The following GRIN2A variants were observed in gnomAD, a reference collection of about 807,000 sequenced individuals.
GRIN2A encodes the protein glutamate ionotropic receptor NMDA type subunit 2A, also known as glutamate receptor ionotropic, NMDA 2A.
GRIN2A carries 22 observed loss-of-function variants against 113.4 expected under a neutral mutation model. The observed-to-expected ratio is 0.19, with a 90% confidence interval of 0.14 to 0.28. The LOEUF is 0.28. Among genes scored for constraint, GRIN2A ranks in the 10% least tolerant of loss-of-function variants. The pLI, the probability that GRIN2A is intolerant of heterozygous loss-of-function variation, is 1.00. For missense variants in GRIN2A, 1,502 were observed against 1,887.0 expected, an observed-to-expected ratio of 0.80 and a Z score of 3.78; for synonymous variants, 827 against 738.4, an observed-to-expected ratio of 1.12 and a Z score of -1.94.
chr16:9,915,543 G>A (rs1321028939), intron 3 of GRIN2A, among the ~76,000 whole-genome samples: 1 of 152,144 alleles, frequency 6.6e-6, no homozygotes, highest in African/African-American at 2.4e-5. Context: ...CAGTGTAATG[G>A]AATCCTGCTC....
rs572477102 is a variant in GRIN2A at position 9,811,575 on chromosome 16, C to A, written c.2168+10689G>T. 1.1e-4 allele frequency among the ~76,000 whole-genome samples: 16 copies of A among 152,198 alleles called. No homozygotes were observed. In the South Asian group the frequency reaches 3.3e-3, roughly 32 times the overall value. ...GGAGTTTGAGACCAGCCTGGTACAA[C>A]GTGGCAAAACCCTGTCTCTACTAAA... On this transcript the variant is annotated intron_variant, in intron 10 of 12. Transcript: ENST00000330684.
intron 2 of GRIN2A, among the ~76,000 whole-genome samples, chr16:10,074,357 C>T (rs911489893): frequency 7.2e-5 from 11 of 152,190 alleles, no homozygotes; most frequent in African/African-American, 2.4e-4. Context: ...CTATATGATC[C>T]AGCAATTCCA....
chr16:10,074,712 G>C (rs551959607), intron 2 of GRIN2A, among the ~76,000 whole-genome samples: 32 of 152,250 alleles, frequency 2.1e-4, no homozygotes, highest in African/African-American at 7.2e-4. Context: ...TAGATCCATG[G>C]TTTCTAGGGC....
chr16:9,765,039 T>C (rs1900830917), intron 12 of GRIN2A, 91 bp from the exon 13 acceptor site: 11 of 1,530,110 alleles, frequency 7.2e-6, no homozygotes. Flanking sequence ...AAGGTGAGAT[T>C]TGCACTTCTT....
chr16:10,116,672 G>A (rs1253901397), intron 2 of GRIN2A, among the ~76,000 whole-genome samples: 1 of 152,106 alleles, frequency 6.6e-6, no homozygotes, highest in Non-Finnish European at 1.5e-5. Flanking sequence ...CCAGCAGCAG[G>A]GAAATTCATG....
At chr16:10,152,270 C>T (rs983196511) in intron 2 of GRIN2A, among the ~76,000 whole-genome samples, 2 of 152,054 alleles carry the variant, frequency 1.3e-5, no homozygotes, top group African/African-American at 2.4e-5. Flanking sequence ...AATACAAACA[C>T]CCCATGCTCC....
intron 2 of GRIN2A, among the ~76,000 whole-genome samples, chr16:10,099,287 A>T (rs1289855137): frequency 6.6e-6 from 1 of 152,176 alleles, no homozygotes; most frequent in Non-Finnish European, 1.5e-5. Context: ...TTTTCATTCC[A>T]GAAGAAACTC....
chr16:10,112,898 G>A, intron 2 of GRIN2A: 4 of 462,134 alleles, frequency 8.7e-6, no homozygotes, highest in South Asian at 7.3e-5. Context: ...AGCAGTGGAG[G>A]ATGAGGTGGT....
At chr16:9,806,938 C>T (rs908449677) in intron 10 of GRIN2A, among the ~76,000 whole-genome samples, 2 of 151,564 alleles carry the variant, frequency 1.3e-5, no homozygotes, top group African/African-American at 4.9e-5. Flanking sequence ...AATCATGGGG[C>T]CAGTTTCCCC....
At chr16:10,109,159 G>A (rs891114900) in intron 2 of GRIN2A, among the ~76,000 whole-genome samples, 1 of 151,688 alleles carries the variant, frequency 6.6e-6, no homozygotes, top group Non-Finnish European at 1.5e-5. Flanking sequence ...CTATAAATTT[G>A]ACAACCTAGA....
chr16:9,851,115 A>G (rs1287218073), intron 4 of GRIN2A, among the ~76,000 whole-genome samples: 2 of 152,172 alleles, frequency 1.3e-5, no homozygotes, highest in African/African-American at 4.8e-5. Context: ...TCAAACCCTT[A>G]AAGAGAATTC....
chr16:10,153,019 CATT>C (rs2049616100), intron 2 of GRIN2A, among the ~76,000 whole-genome samples: 1 of 152,052 alleles, frequency 6.6e-6, no homozygotes, highest in Admixed American at 6.5e-5. Flanking sequence ...GGATACAAGT[CATT>C]ATGCATTTGT....
chr16:9,969,771 C>A (rs1239030790), intron 2 of GRIN2A, among the ~76,000 whole-genome samples: 1 of 152,216 alleles, frequency 6.6e-6, no homozygotes. Flanking sequence ...GGGTAAAGAC[C>A]AGGGTTGCTG....
chr16:9,853,148 A>G (rs1567347286), intron 4 of GRIN2A, among the ~76,000 whole-genome samples: 1 of 152,216 alleles, frequency 6.6e-6, no homozygotes. Flanking sequence ...AGTTGTGGGA[A>G]GGAATTGTGG....
At chr16:9,793,806 C>T (rs1481687809) in intron 11 of GRIN2A, among the ~76,000 whole-genome samples, 27 of 127,878 alleles carry the variant, frequency 2.1e-4, no homozygotes, top group Admixed American at 1.8e-3. Context: ...ATACATAACA[C>T]ATGTGTATAT....
At chr16:9,941,542 C>G (rs1021211408) in intron 2 of GRIN2A, among the ~76,000 whole-genome samples, 1 of 152,152 alleles carries the variant, frequency 6.6e-6, no homozygotes, top group Non-Finnish European at 1.5e-5. Flanking sequence ...AACTTCAGCC[C>G]AAGCTGAATC....
chr16:10,062,054 T>C (rs2047559005), intron 2 of GRIN2A, among the ~76,000 whole-genome samples: 1 of 152,136 alleles, frequency 6.6e-6, no homozygotes, highest in African/African-American at 2.4e-5. Flanking sequence ...GATAGGGTAA[T>C]GGCCGGACCA....
At chr16:9,881,138 A>T (rs1023713155) in intron 4 of GRIN2A, among the ~76,000 whole-genome samples, 3 of 152,232 alleles carry the variant, frequency 2.0e-5, no homozygotes, top group Non-Finnish European at 2.9e-5. Flanking sequence ...TTTAATAACA[A>T]TATCTATTGA....
chr16:10,076,720 A>T (rs187748955), intron 2 of GRIN2A, among the ~76,000 whole-genome samples: 67 of 152,290 alleles, frequency 4.4e-4, no homozygotes, highest in African/African-American at 1.5e-3. Flanking sequence ...GCAGAAAGTA[A>T]ATATGGAAGA....
Sources: allele counts gnomAD v4.1 joint callset (sites outside exome capture counted in the v4.1 genomes callset), GRCh38; gene constraint gnomAD v4.1.1; transcripts MANE v1.5; gene names NCBI Gene and HGNC (gene_info 2026-07-23, HGNC 2026-07-21).